PRUNE2: variants seen among roughly 807,000 people sequenced by gnomAD.
The protein encoded by PRUNE2 is prune homolog 2 with BCH domain.
A neutral mutation model predicts 252.0 loss-of-function variants in PRUNE2; 164 were observed. That is an observed-to-expected ratio of 0.65 (90% CI 0.57 to 0.74). The LOEUF (loss-of-function observed/expected upper bound fraction) is 0.74. Ranked by LOEUF, PRUNE2 falls within the 30% of genes least tolerant of loss-of-function variation. PRUNE2 has a pLI of 0.00. For synonymous variants in PRUNE2, 1,292 were observed against 1,350.2 expected (o/e 0.96, Z 0.94); for missense variants, 3,495 against 3,711.0 (o/e 0.94, Z 1.51).
intron 15 of PRUNE2, among the ~76,000 whole-genome samples, chr9:76,633,271 C>T (rs1262563470): frequency 6.6e-6 from 1 of 151,136 alleles, no homozygotes; most frequent in African/African-American, 2.4e-5. Context: ...AATTCAATTT[C>T]GGTTTTCATA....
chr9:76,715,654 T>C (rs1476209947), intron 6 of PRUNE2, among the ~76,000 whole-genome samples: 1 of 152,272 alleles, frequency 6.6e-6, no homozygotes, highest in Non-Finnish European at 1.5e-5. Flanking sequence ...TCATGCTTTT[T>C]ATTTATTTTC....
intron 6 of PRUNE2, among the ~76,000 whole-genome samples, chr9:76,780,263 G>T (rs545690827): frequency 6.6e-6 from 1 of 152,004 alleles, no homozygotes; most frequent in Non-Finnish European, 1.5e-5. Flanking sequence ...AAGCAGCTGC[G>T]CACTCCCCCA....
chr9:76,667,557 A>AG (rs11413299), intron 9 of PRUNE2, among the ~76,000 whole-genome samples: 140,568 of 152,270 alleles, frequency 0.92, 65,535 homozygotes, highest in Non-Finnish European at 0.99. Context: ...TGCAATGCAA[A>AG]GCTGCACTCT....
Position 76,644,952 on chromosome 9 carries a change from C to G in PRUNE2, c.8558-43G>C, listed in dbSNP as rs1456693549. 2.5e-6 allele frequency: 4 copies of G among 1,573,090 alleles called. No homozygotes were observed. The African/African-American group carries it at 5.4e-5, about 21-fold the overall frequency. Reference sequence around the variant, plus strand: ...CAGAGCAAGGCTGAAGGAGCAAGACCTCCACAGTGCAGCTAAACAGCCAAA... The same window carrying G: ...CAGAGCAAGGCTGAAGGAGCAAGACGTCCACAGTGCAGCTAAACAGCCAAA... On this transcript the variant is annotated intron_variant, in intron 11 of 18. Transcript: ENST00000376718.
At chr9:76,797,681 G>GC (rs1483716004) in intron 6 of PRUNE2, among the ~76,000 whole-genome samples, 1 of 137,050 alleles carries the variant, frequency 7.3e-6, no homozygotes, top group Non-Finnish European at 1.6e-5. Flanking sequence ...CCCCCACCCT[G>GC]CCCCCCGCAA....
chr9:76,727,353 G>A (rs2048186104), intron 6 of PRUNE2, among the ~76,000 whole-genome samples: 3 of 152,192 alleles, frequency 2.0e-5, no homozygotes, highest in African/African-American at 7.2e-5. Context: ...GGTTTAACAG[G>A]CAGGAGAACT....
chr9:76,632,958 G>A (rs189401323), intron 15 of PRUNE2, among the ~76,000 whole-genome samples: 3 of 152,240 alleles, frequency 2.0e-5, no homozygotes, highest in African/African-American at 4.8e-5. Flanking sequence ...GCAGTGTCTC[G>A]TACCTGTAGT....
chr9:76,874,608 A>G (rs1314487198), intron 1 of PRUNE2, among the ~76,000 whole-genome samples: 2 of 152,324 alleles, frequency 1.3e-5, no homozygotes, highest in South Asian at 2.1e-4. Context: ...TTTCCATCCC[A>G]TCGCTCGAGC....
chr9:76,677,011 T>C (rs527291187), intron 9 of PRUNE2, among the ~76,000 whole-genome samples: 1 of 152,328 alleles, frequency 6.6e-6, no homozygotes, highest in Non-Finnish European at 1.5e-5. Flanking sequence ...GTGCAAACAG[T>C]GGGTATTTTA....
intron 6 of PRUNE2, among the ~76,000 whole-genome samples, chr9:76,761,309 T>C (rs2051707339): frequency 6.6e-6 from 1 of 152,106 alleles, no homozygotes; most frequent in Admixed American, 6.5e-5. Context: ...ATACACAAAC[T>C]GGTCAGAAGT....
chr9:76,767,256 G>A (rs1026970617), intron 6 of PRUNE2, among the ~76,000 whole-genome samples: 4 of 151,930 alleles, frequency 2.6e-5, no homozygotes, highest in African/African-American at 9.7e-5. Flanking sequence ...GTTCAAGACC[G>A]GCCTGACCAA....
At chr9:76,874,260 GTC>G (rs1232962915) in intron 1 of PRUNE2, among the ~76,000 whole-genome samples, 1 of 152,172 alleles carries the variant, frequency 6.6e-6, no homozygotes, top group Non-Finnish European at 1.5e-5. Context: ...ATGAGGCTAA[GTC>G]TCTGTTTCCT....
Position 76,710,798 on chromosome 9 carries a change from GTCGAAGTGCTCACCGTGTTC to G in PRUNE2, c.1456_1475del (p.Glu486ProfsTer5). 1 of 1,582,440 alleles carries G rather than the reference GTCGAAGTGCTCACCGTGTTC, an allele frequency of 6.3e-7. No homozygotes were observed. The highest frequency in any genetic ancestry group is 1.2e-5 in the South Asian group (1 of 84,370). On this transcript the variant is annotated frameshift_variant, in exon 8 of 19. Transcript: ENST00000376718. LOFTEE classifies it high-confidence loss of function. ...TGGGTGCTGGGTCAAAATTGAAGAG[GTCGAAGTGCTCACCGTGTTC>G]TCCAGACCATGCATGTTCCTCCGCC... is the stretch of plus-strand genomic sequence containing the variant.
chr9:76,680,948 C>T (rs188177417), intron 9 of PRUNE2, among the ~76,000 whole-genome samples: 58 of 152,262 alleles, frequency 3.8e-4, no homozygotes, highest in Middle Eastern at 3.4e-3. Context: ...GTCCAATCAC[C>T]TCCCACAAGG....
At chr9:76,755,603 G>C (rs2051068444) in intron 6 of PRUNE2, among the ~76,000 whole-genome samples, 1 of 152,082 alleles carries the variant, frequency 6.6e-6, no homozygotes, top group Non-Finnish European at 1.5e-5. Context: ...GGCAAGAAGG[G>C]GTCTTATTAA....
chr9:76,837,225 C>G (rs1393278657), intron 4 of PRUNE2, among the ~76,000 whole-genome samples: 3 of 151,996 alleles, frequency 2.0e-5, no homozygotes, highest in Non-Finnish European at 4.4e-5. Context: ...GGGCGGATCA[C>G]AAGGTGAAGC....
chr9:76,843,266 C>G (rs1589531008), intron 4 of PRUNE2, among the ~76,000 whole-genome samples: 1 of 151,942 alleles, frequency 6.6e-6, no homozygotes, highest in African/African-American at 2.4e-5. Flanking sequence ...TAAGTGGGAG[C>G]TGAACAATGA....
intron 11 of PRUNE2, among the ~76,000 whole-genome samples, chr9:76,648,745 ACATTTG>A (rs1390818728): frequency 1.3e-5 from 2 of 152,238 alleles, no homozygotes; most frequent in Admixed American, 6.5e-5. Flanking sequence ...CTGCCACTAT[ACATTTG>A]CTTAAACACA....
At chr9:76,883,837 T>A (rs2061934396) in intron 1 of PRUNE2, among the ~76,000 whole-genome samples, 2 of 152,214 alleles carry the variant, frequency 1.3e-5, no homozygotes, top group Non-Finnish European at 2.9e-5. Context: ...AGTCTCTTTC[T>A]CCATCCCTTG....
Sources: gnomAD v4.1 joint callset for allele counts (sites outside exome capture counted in the v4.1 genomes callset) on GRCh38, gnomAD v4.1.1 for gene constraint, MANE v1.5 for transcripts, NCBI Gene and HGNC (gene_info 2026-07-23, HGNC 2026-07-21) for gene names.